P4HA1: variants seen among roughly 807,000 people sequenced by gnomAD.
P4HA1 encodes the protein prolyl 4-hydroxylase subunit alpha-1.
Under a neutral mutation model 72.8 loss-of-function variants are expected in P4HA1, and 24 were observed. That is an observed-to-expected ratio of 0.33 (90% CI 0.24 to 0.46). The LOEUF is 0.46. Among genes scored for constraint, P4HA1 ranks in the 20% least tolerant of loss-of-function variants. The pLI, the probability that P4HA1 is intolerant of heterozygous loss-of-function variation, is 1.00. For synonymous variants in P4HA1, 201 were observed against 218.8 expected, an observed-to-expected ratio of 0.92 and a Z score of 0.72; for missense variants, 446 against 640.6, an observed-to-expected ratio of 0.70 and a Z score of 3.28.
chr10:73,010,102 G>T (rs1384408639), intron 13 of P4HA1, among the ~76,000 whole-genome samples, 199 bp from the exon 14 acceptor site: 1 of 151,898 alleles, frequency 6.6e-6, no homozygotes, highest in Non-Finnish European at 1.5e-5. Flanking sequence ...TCAAATAGCT[G>T]GGATTACAGG....
intron 12 of P4HA1, among the ~76,000 whole-genome samples, chr10:73,012,851 A>C (rs1345564771): frequency 2.0e-5 from 3 of 152,290 alleles, no homozygotes; most frequent in South Asian, 4.1e-4. Flanking sequence ...TGGAGAGTGC[A>C]GTGGCGCGAT....
intron 1 of P4HA1, among the ~76,000 whole-genome samples, chr10:73,078,447 T>C (rs1000648251): frequency 6.6e-6 from 1 of 152,120 alleles, no homozygotes; most frequent in Non-Finnish European, 1.5e-5. Flanking sequence ...ACTAAGATTA[T>C]GTTTTCATTA....
chr10:73,074,835 C>T lies in P4HA1; in HGVS notation c.49G>A (p.Ala17Thr), dbSNP rs769640324. The T allele has an allele frequency of 6.3e-7, 1 of 1,577,878 alleles. No individual in the cohort carries two copies. Among genetic ancestry groups the T allele is most frequent in the East Asian group, 2.2e-5 (1 of 44,598 alleles). Residue 17 changes from alanine to threonine, a missense_variant, in exon 2 of 15, where the codon GCT (alanine) becomes ACT (threonine). Coordinates refer to ENST00000394890, the MANE Select transcript of P4HA1 (RefSeq NM_001017962.3). ...IIGILLPQSL[A>T]HPGFFTSIGQ... ...ATTGAAGTAAAAAAGCCTGGATGAG[C>T]CAAAGACTGGGGAAGCAGAATTCCT... is the stretch of plus-strand genomic sequence containing the variant.
At chr10:73,092,868 C>T (rs990723981) in intron 1 of P4HA1, among the ~76,000 whole-genome samples, 3 of 151,834 alleles carry the variant, frequency 2.0e-5, no homozygotes, top group African/African-American at 7.3e-5. Context: ...CACCTATAAT[C>T]CCAACACTTT....
intron 5 of P4HA1, among the ~76,000 whole-genome samples, chr10:73,061,795 A>G (rs1368774601): frequency 2.0e-5 from 3 of 152,056 alleles, no homozygotes; most frequent in Admixed American, 2.0e-4. Context: ...AATTACAAAG[A>G]CCTACTTGAG....
intron 5 of P4HA1, among the ~76,000 whole-genome samples, chr10:73,060,381 G>A (rs563096844): frequency 3.9e-5 from 6 of 152,242 alleles, no homozygotes; most frequent in African/African-American, 1.4e-4. Flanking sequence ...AACCTAGCTA[G>A]ACTCTGCTGC....
chr10:73,030,718 C>CAAAAAAA (rs1262412774), intron 9 of P4HA1, among the ~76,000 whole-genome samples: 3 of 152,042 alleles, frequency 2.0e-5, no homozygotes, highest in Non-Finnish European at 4.4e-5. Flanking sequence ...ACGTTCTTTC[C>CAAAAAAA]AGGTAAGGTA....
chr10:73,080,196 T>C (rs920726169), intron 1 of P4HA1, among the ~76,000 whole-genome samples: 8 of 152,220 alleles, frequency 5.3e-5, no homozygotes, highest in African/African-American at 1.9e-4. Flanking sequence ...TCAAGTTGGA[T>C]TTCTGTCACT....
intron 9 of P4HA1, among the ~76,000 whole-genome samples, chr10:73,036,007 G>T (rs1044992388): frequency 2.6e-5 from 4 of 151,966 alleles, no homozygotes; most frequent in Non-Finnish European, 5.9e-5. Context: ...TGACCAACGT[G>T]GTGAAACCCC....
At chr10:73,062,433 TCTC>T (rs536688041) in intron 5 of P4HA1, among the ~76,000 whole-genome samples, 56 of 152,110 alleles carry the variant, frequency 3.7e-4, no homozygotes, top group Non-Finnish European at 7.1e-4. Context: ...AAATATGACT[TCTC>T]CAACAACATT....
At chr10:73,053,690 A>C in intron 5 of P4HA1, 100 bp from the exon 6 acceptor site, 1 of 1,031,618 alleles carries the variant, frequency 9.7e-7, no homozygotes, top group Non-Finnish European at 1.4e-6. Flanking sequence ...TTCTATTTGA[A>C]GTTCACAATA....
At chr10:73,088,508 C>T (rs1331655821) in intron 1 of P4HA1, among the ~76,000 whole-genome samples, 1 of 152,180 alleles carries the variant, frequency 6.6e-6, no homozygotes, top group East Asian at 1.9e-4. Context: ...CAATAAAAAC[C>T]AAAGCCACCC....
In P4HA1 at chr10:73,068,988, A is replaced by C. The variant is rs758417324; in HGVS notation, c.326-5T>G. 1.9e-5 allele frequency: 30 copies of C among 1,602,574 alleles called. No individual in the cohort carries two copies. The highest frequency in any genetic ancestry group is 3.3e-4 in the Middle Eastern group (2 of 6,040). ...TGGTTAGGTTAGAGATAAAGCCTTG[A>C]AATAGATAAATCAAAGAAAAAAAAA... On this transcript the variant is annotated splice_region_variant and splice_polypyrimidine_tract_variant and intron_variant, in intron 4 of 14. Transcript: ENST00000394890.
At chr10:73,024,114 C>T (rs1001186041) in intron 10 of P4HA1, among the ~76,000 whole-genome samples, 1 of 152,192 alleles carries the variant, frequency 6.6e-6, no homozygotes, top group African/African-American at 2.4e-5. Context: ...AGGACTGGAA[C>T]TCAGCTCTGC....
chr10:73,042,462 A>G (rs1840759030), intron 9 of P4HA1, among the ~76,000 whole-genome samples: 1 of 152,160 alleles, frequency 6.6e-6, no homozygotes, highest in Non-Finnish European at 1.5e-5. Flanking sequence ...TTAGTTGACA[A>G]CTAAATTTTT....
At chr10:73,044,457 C>G (rs1316752367) in intron 9 of P4HA1, among the ~76,000 whole-genome samples, 1 of 152,102 alleles carries the variant, frequency 6.6e-6, no homozygotes, top group Non-Finnish European at 1.5e-5. Flanking sequence ...ACTTTTGAGT[C>G]AGCGAATTTT....
At chr10:73,018,500 G>A (rs1840061111) in intron 10 of P4HA1, among the ~76,000 whole-genome samples, 1 of 152,094 alleles carries the variant, frequency 6.6e-6, no homozygotes, top group Non-Finnish European at 1.5e-5. Context: ...TGCCCCACAG[G>A]GCCCAAACAA....
chr10:73,035,360 A>G (rs999017785), intron 9 of P4HA1, among the ~76,000 whole-genome samples: 1 of 152,194 alleles, frequency 6.6e-6, no homozygotes, highest in Non-Finnish European at 1.5e-5. Flanking sequence ...TACAAAAAAA[A>G]TTAAAATAAA....
At chr10:73,053,918 T>C (rs550830472) in intron 5 of P4HA1, among the ~76,000 whole-genome samples, 34 of 133,480 alleles carry the variant, frequency 2.5e-4, no homozygotes, top group South Asian at 1.5e-3. Flanking sequence ...ATACATCTCT[T>C]TTTTTTTTTT....
Sources: gnomAD v4.1 joint callset for allele counts (sites outside exome capture counted in the v4.1 genomes callset) on GRCh38, gnomAD v4.1.1 for gene constraint, MANE v1.5 for transcripts, NCBI Gene and HGNC (gene_info 2026-07-23, HGNC 2026-07-21) for gene names.